SLC36A1: variants seen among roughly 807,000 people sequenced by gnomAD.
The protein encoded by SLC36A1 is proton-coupled amino acid transporter 1.
Under a neutral mutation model 47.5 loss-of-function variants are expected in SLC36A1, and 30 were observed. The observed-to-expected ratio is 0.63, with a 90% CI of 0.47 to 0.86. SLC36A1 has a LOEUF of 0.86. Ranked by LOEUF, SLC36A1 falls within the 40% of genes least tolerant of loss-of-function variation. The pLI, the probability that SLC36A1 is intolerant of heterozygous loss-of-function variation, is 0.00. For synonymous variants in SLC36A1, 255 were observed against 249.7 expected (o/e 1.02, Z -0.20); for missense variants, 517 against 606.0 (o/e 0.85, Z 1.54).
At chr5:151,427,868 C>A in the SLC36A1 span, among the ~76,000 whole-genome samples, 3 of 152,144 alleles carry the variant, frequency 2.0e-5, no homozygotes, top group African/African-American at 7.2e-5. Context: ...GGTGTGCGTT[C>A]CTCTACTGCA....
chr5:151,495,493 G>C (rs891857857), downstream of SLC36A1, among the ~76,000 whole-genome samples: 1 of 152,136 alleles, frequency 6.6e-6, no homozygotes, highest in African/African-American at 2.4e-5. Flanking sequence ...ACAATCCATA[G>C]AGCTGATTCA....
the SLC36A1 span, chr5:151,549,541 A>G: frequency 6.3e-7 from 1 of 1,594,216 alleles, no homozygotes; most frequent in Non-Finnish European, 8.6e-7. Context: ...GTAAGCAGCA[A>G]ATGGAATAGG....
chr5:151,543,977 A>G, the SLC36A1 span: 2 of 1,614,140 alleles, frequency 1.2e-6, no homozygotes, highest in Admixed American at 3.3e-5. Context: ...TTGGCTTCAT[A>G]TTGAGGTTGT....
At chr5:151,553,074 G>A in the SLC36A1 span, 5 of 1,207,268 alleles carry the variant, frequency 4.1e-6, no homozygotes, top group African/African-American at 7.5e-5. Flanking sequence ...CTGCCGAGGA[G>A]CCCGACCTTG....
At chr5:151,368,228 G>A in the SLC36A1 span, among the ~76,000 whole-genome samples, 21,467 of 152,116 alleles carry the variant, frequency 0.14, 4,241 homozygotes, top group African/African-American at 0.45. Flanking sequence ...GACATCCTAC[G>A]CTGATAACCT....
chr5:151,468,373 G>A (rs1756880633), intron 7 of SLC36A1, among the ~76,000 whole-genome samples: 1 of 133,030 alleles, frequency 7.5e-6, no homozygotes, highest in Non-Finnish European at 1.6e-5. Context: ...ACATATACAT[G>A]TAATATATAT....
chr5:151,471,468 G>T (rs1757303568), intron 7 of SLC36A1, among the ~76,000 whole-genome samples: 1 of 152,166 alleles, frequency 6.6e-6, no homozygotes, highest in Non-Finnish European at 1.5e-5. Context: ...TCTGATACTT[G>T]AATCTGATCT....
chr5:151,388,506 G>A, the SLC36A1 span, among the ~76,000 whole-genome samples: 60,112 of 101,438 alleles, frequency 0.59, 15,312 homozygotes, highest in African/African-American at 0.76. Flanking sequence ...CATCTCAAAA[G>A]AAAAAAAAAA....
At chr5:151,439,748 C>T (rs1338144937) in intron 1 of SLC36A1, among the ~76,000 whole-genome samples, 2 of 151,854 alleles carry the variant, frequency 1.3e-5, no homozygotes, top group Admixed American at 6.6e-5. Context: ...CTGGCCCCAG[C>T]ACTTTTCCTA....
downstream of SLC36A1, among the ~76,000 whole-genome samples, chr5:151,496,200 AG>A (rs1231683565): frequency 1.3e-5 from 2 of 152,186 alleles, no homozygotes; most frequent in African/African-American, 4.8e-5. Context: ...GGTTTTAAAA[AG>A]GGGTGTCTCC....
the SLC36A1 span, among the ~76,000 whole-genome samples, chr5:151,353,051 G>A: frequency 6.6e-6 from 1 of 152,236 alleles, no homozygotes; most frequent in East Asian, 1.9e-4. Context: ...AAGGAGGGGA[G>A]GAGAAAGCTA....
the SLC36A1 span, among the ~76,000 whole-genome samples, chr5:151,402,782 G>A: frequency 6.6e-6 from 1 of 152,072 alleles, no homozygotes; most frequent in Non-Finnish European, 1.5e-5. Flanking sequence ...AGATTTTCTA[G>A]TTTGTGTATT....
chr5:151,363,273 A>G, the SLC36A1 span, among the ~76,000 whole-genome samples: 37 of 152,322 alleles, frequency 2.4e-4, no homozygotes, highest in African/African-American at 8.4e-4. Context: ...TGTGGAATGT[A>G]TGTCCTACAG....
intron 8 of SLC36A1, 48 bp downstream of exon 8, chr5:151,473,819 T>G (rs1404525536): frequency 1.0e-5 from 14 of 1,377,244 alleles, no homozygotes; most frequent in Non-Finnish European, 1.5e-5. Context: ...GTGCCCTTGG[T>G]GTTCTCCAGG....
chr5:151,402,668 C>G, the SLC36A1 span, among the ~76,000 whole-genome samples: 1 of 152,058 alleles, frequency 6.6e-6, no homozygotes. Context: ...TTTCTAAATG[C>G]TGATTCAATT....
At chr5:151,374,565 ATTTCT>A in the SLC36A1 span, among the ~76,000 whole-genome samples, 1 of 152,202 alleles carries the variant, frequency 6.6e-6, no homozygotes, top group African/African-American at 2.4e-5. Flanking sequence ...TCATAAAATA[ATTTCT>A]TTTCTTCTGG....
chr5:151,511,994 T>C, the SLC36A1 span: 1 of 624,548 alleles, frequency 1.6e-6, no homozygotes, highest in Non-Finnish European at 2.8e-6. Context: ...GGAAGACTCC[T>C]GGCTTCCCCT....
chr5:151,476,965 G>A (rs1286053235), intron 9 of SLC36A1: 2 of 704,132 alleles, frequency 2.8e-6, no homozygotes, highest in Non-Finnish European at 5.1e-6. Context: ...AGCCATTGGT[G>A]CTGATCAGCC....
chr5:151,508,696 T>G, the SLC36A1 span, among the ~76,000 whole-genome samples: 3 of 143,422 alleles, frequency 2.1e-5, no homozygotes, highest in Non-Finnish European at 3.0e-5. Context: ...GGCGACAGAG[T>G]GAAACTCCTT....
Sources: gnomAD v4.1 joint callset for allele counts (sites outside exome capture counted in the v4.1 genomes callset) on GRCh38, gnomAD v4.1.1 for gene constraint, MANE v1.5 for transcripts, NCBI Gene and HGNC (gene_info 2026-07-23, HGNC 2026-07-21) for gene names.